GSG1L: variants seen among roughly 807,000 people sequenced by gnomAD.
GSG1L encodes the protein GSG1 like, also known as germ cell-specific gene 1-like protein.
Under a neutral mutation model 42.1 loss-of-function variants are expected in GSG1L, and 24 were observed. That is an observed-to-expected ratio of 0.57 (90% confidence interval 0.41 to 0.80). GSG1L has a LOEUF of 0.80. Ranked by LOEUF, GSG1L falls within the 30% of genes least tolerant of loss-of-function variation. The pLI, the probability that GSG1L is intolerant of heterozygous loss-of-function variation, is 0.00. For missense variants in GSG1L, 445 were observed against 472.2 expected (o/e 0.94, Z 0.53); for synonymous variants, 215 against 203.5 (o/e 1.06, Z -0.48).
chr16:27,808,673 C>T (rs1696914778), intron 5 of GSG1L, among the ~76,000 whole-genome samples: 1 of 152,202 alleles, frequency 6.6e-6, no homozygotes, highest in Admixed American at 6.5e-5. Context: ...TCCACCTCGG[C>T]CTCCCAATAA....
chr16:27,935,379 T>C (rs1177872632), intron 2 of GSG1L, among the ~76,000 whole-genome samples: 2 of 152,188 alleles, frequency 1.3e-5, no homozygotes, highest in Non-Finnish European at 2.9e-5. Context: ...TTATTTCTGA[T>C]GCCAAGTGGT....
chr16:27,809,422 A>C (rs956017165), intron 5 of GSG1L, among the ~76,000 whole-genome samples: 2 of 151,888 alleles, frequency 1.3e-5, no homozygotes, highest in Admixed American at 1.3e-4. Flanking sequence ...ATTAAAAAAT[A>C]AGCCAGCACA....
chr16:27,979,667 G>C (rs1304311627), intron 1 of GSG1L, among the ~76,000 whole-genome samples: 1 of 89,024 alleles, frequency 1.1e-5, no homozygotes, highest in African/African-American at 4.9e-5. Context: ...AAGAAAGAGA[G>C]AGAGAGAGAG....
chr16:27,804,210 G>A (rs539303921), intron 6 of GSG1L, among the ~76,000 whole-genome samples: 1 of 152,136 alleles, frequency 6.6e-6, no homozygotes, highest in African/African-American at 2.4e-5. Context: ...CTCCGTCCCT[G>A]TCCTGCCTCC....
intron 2 of GSG1L, among the ~76,000 whole-genome samples, chr16:27,913,814 C>T (rs990498159): frequency 1.3e-5 from 2 of 152,188 alleles, no homozygotes; most frequent in Non-Finnish European, 2.9e-5. Flanking sequence ...CAATGACCTA[C>T]ACTCACAGAC....
chr16:28,023,110 T>C (rs191410477), intron 1 of GSG1L, among the ~76,000 whole-genome samples: 1 of 152,320 alleles, frequency 6.6e-6, no homozygotes, highest in Admixed American at 6.5e-5. Context: ...ATTGTATGTA[T>C]AAGCCACCAC....
chr16:28,060,040 C>A (rs957267264), intron 1 of GSG1L, among the ~76,000 whole-genome samples: 2 of 152,076 alleles, frequency 1.3e-5, no homozygotes, highest in African/African-American at 4.8e-5. Context: ...TTTAGCAGCT[C>A]CTTCTCACGG....
intron 1 of GSG1L, among the ~76,000 whole-genome samples, chr16:28,045,665 G>A (rs936676066): frequency 6.6e-5 from 10 of 151,590 alleles, no homozygotes; most frequent in South Asian, 2.1e-4. Context: ...CAACAAGAAC[G>A]AAACTCCATC....
chr16:27,796,215 T>C (rs1213313987), intron 6 of GSG1L, among the ~76,000 whole-genome samples: 2 of 152,196 alleles, frequency 1.3e-5, no homozygotes, highest in Non-Finnish European at 2.9e-5. Context: ...AAAGCCTCTC[T>C]CTATAGGACT....
At chr16:27,958,084 A>T (rs1482442625) in intron 2 of GSG1L, among the ~76,000 whole-genome samples, 1 of 152,122 alleles carries the variant, frequency 6.6e-6, no homozygotes, top group African/African-American at 2.4e-5. Context: ...TCAAAATGAG[A>T]TGTAGAGGGG....
chr16:27,909,381 C>CT lies in GSG1L; in HGVS notation c.398-24744dup, dbSNP rs34041209. 9.5e-3 allele frequency among the ~76,000 whole-genome samples: 1,123 copies of CT among 117,790 alleles called. 15 individuals carry two copies. Among genetic ancestry groups the CT allele is most frequent in the African/African-American group, 0.026 (811 of 30,820 alleles). 77.3% of individuals were successfully genotyped at this position (117,790 alleles called of 152,430 possible). Reference sequence around the variant, plus strand: ...TTTTCTTTCTTTCTTTCTTCTTTTTCTTTTTTTTTTTTTTTTTGACAGGGT... The same window carrying CT: ...TTTTCTTTCTTTCTTTCTTCTTTTTCTTTTTTTTTTTTTTTTTTGACAGGGT... On this transcript the variant is annotated intron_variant, in intron 2 of 6. Coordinates refer to ENST00000447459, the MANE Select transcript of GSG1L (RefSeq NM_001109763.2).
At chr16:27,992,820 G>C (rs981359564) in intron 1 of GSG1L, among the ~76,000 whole-genome samples, 5 of 152,116 alleles carry the variant, frequency 3.3e-5, no homozygotes, top group African/African-American at 1.2e-4. Flanking sequence ...GGCCCAGGGA[G>C]GGCCTTGGGT....
At chr16:28,030,484 G>A (rs1057357903) in intron 1 of GSG1L, among the ~76,000 whole-genome samples, 5 of 152,164 alleles carry the variant, frequency 3.3e-5, no homozygotes, top group Admixed American at 6.5e-5. Context: ...GAAAAAAAGA[G>A]GAGACAGACA....
At chr16:27,879,550 C>T (rs572825767) in intron 3 of GSG1L, among the ~76,000 whole-genome samples, 4 of 152,280 alleles carry the variant, frequency 2.6e-5, no homozygotes, top group East Asian at 1.9e-4. Context: ...AGAAGGTCGA[C>T]ACTGCAGTGA....
chr16:27,943,024 T>A (rs1012879381), intron 2 of GSG1L, among the ~76,000 whole-genome samples: 9 of 152,140 alleles, frequency 5.9e-5, no homozygotes, highest in African/African-American at 1.7e-4. Flanking sequence ...GTAGTGGGAC[T>A]TGAGAATTTG....
intron 1 of GSG1L, among the ~76,000 whole-genome samples, chr16:27,974,016 C>G (rs1342783176): frequency 2.6e-5 from 4 of 152,112 alleles, no homozygotes; most frequent in Non-Finnish European, 4.4e-5. Flanking sequence ...CCCATTACCC[C>G]CTCCCCATCT....
At chr16:27,905,492 T>A in intron 2 of GSG1L, among the ~76,000 whole-genome samples, 1 of 151,990 alleles carries the variant, frequency 6.6e-6, no homozygotes, top group African/African-American at 2.4e-5. Context: ...CTAATTTTAT[T>A]TTTTTGTAGA....
At chr16:27,832,345 T>G (rs1009264579) in intron 4 of GSG1L, among the ~76,000 whole-genome samples, 1 of 152,124 alleles carries the variant, frequency 6.6e-6, no homozygotes, top group African/African-American at 2.4e-5. Flanking sequence ...AGACCAAGGA[T>G]CTCTTCTGTG....
intron 1 of GSG1L, among the ~76,000 whole-genome samples, chr16:27,976,275 CAAT>C (rs903567057): frequency 5.9e-5 from 9 of 151,824 alleles, no homozygotes; most frequent in African/African-American, 1.9e-4. Flanking sequence ...AACTCCATCT[CAAT>C]AATAATAATA....
Sources: allele counts gnomAD v4.1 joint callset (sites outside exome capture counted in the v4.1 genomes callset), GRCh38; gene constraint gnomAD v4.1.1; transcripts MANE v1.5; gene names NCBI Gene and HGNC (gene_info 2026-07-23, HGNC 2026-07-21).